PCDH9: variants seen among roughly 807,000 people sequenced by gnomAD.
PCDH9 encodes protocadherin 9, also known as protocadherin-9.
In PCDH9, 24 loss-of-function variants were observed where a neutral mutation model predicts 70.6. The observed-to-expected ratio is 0.34, with a 90% CI of 0.25 to 0.48. PCDH9 has a LOEUF of 0.48. Among genes scored for constraint, PCDH9 ranks in the 20% least tolerant of loss-of-function variants. The probability of loss-of-function intolerance (pLI) is 0.99; values close to 1 mark genes in which losing one functional copy is unlikely to be tolerated. For missense variants in PCDH9, 1,281 were observed against 1,503.6 expected (o/e 0.85, Z 2.45); for synonymous variants, 562 against 558.5 (o/e 1.01, Z -0.09).
rs1269835217 is a variant in PCDH9, at chr13:67,228,287, T to C, written c.154A>G (p.Ile52Val). ...GCGCTGGTCCCTGTGGCAGCATTGATGTGAGAAATGTTCAGATCCTTTGGT... is the reference window on the plus strand; with the variant it reads ...GCGCTGGTCCCTGTGGCAGCATTGACGTGAGAAATGTTCAGATCCTTTGGT... ...NIPKDLNISHINAATGTSASL... is the reference protein window; with the variant it reads ...NIPKDLNISHVNAATGTSASL... The change falls in exon 2 of 5, where the codon ATC becomes GTC. Residue 52 changes from isoleucine (I) to valine (V), a missense_variant. Physicochemically the swap from Ile to Val is conservative, Grantham distance 29 (BLOSUM62 3). This residue lies in a region of PCDH9 where 798 missense variants were observed against 1,003.1 expected (regional missense o/e 0.80). Transcript: ENST00000377865. 6.2e-7 allele frequency: 1 copy of C among 1,614,148 alleles called. No homozygotes were observed. Among genetic ancestry groups the C allele is most frequent in the Non-Finnish European group, 8.5e-7 (1 of 1,180,012 alleles).
At chr13:66,427,308 C>A (rs1204098594) in intron 4 of PCDH9, among the ~76,000 whole-genome samples, 2 of 151,622 alleles carry the variant, frequency 1.3e-5, no homozygotes, top group African/African-American at 4.8e-5. Flanking sequence ...TTCTTGACTG[C>A]ACATTCATTG....
intron 4 of PCDH9, among the ~76,000 whole-genome samples, chr13:66,322,670 G>GA (rs1955775980): frequency 6.6e-6 from 1 of 151,854 alleles, no homozygotes; most frequent in South Asian, 2.1e-4. Flanking sequence ...TTTTCAGATA[G>GA]AAAAATACTC....
chr13:66,930,074 T>G (rs1420461999), intron 2 of PCDH9, among the ~76,000 whole-genome samples: 1 of 152,292 alleles, frequency 6.6e-6, no homozygotes, highest in African/African-American at 2.4e-5. Flanking sequence ...GTGGTCTTTT[T>G]GTCTGAAAGA....
chr13:66,917,376 G>T (rs1453899511), intron 2 of PCDH9, among the ~76,000 whole-genome samples: 1 of 151,442 alleles, frequency 6.6e-6, no homozygotes, highest in African/African-American at 2.4e-5. Flanking sequence ...TGAGAAGCCT[G>T]AGCCAAATGA....
At chr13:66,700,936 A>G (rs200572618) in intron 3 of PCDH9, among the ~76,000 whole-genome samples, 2,295 of 97,776 alleles carry the variant, frequency 0.023, 147 homozygotes, top group East Asian at 0.11. Context: ...ATATATATAT[A>G]TATATATATA....
chr13:66,490,356 CTG>C (rs1185203782), intron 4 of PCDH9, among the ~76,000 whole-genome samples: 2 of 152,164 alleles, frequency 1.3e-5, no homozygotes, highest in Admixed American at 1.3e-4. Context: ...GACCTGAACA[CTG>C]TTATACCGGT....
intron 4 of PCDH9, among the ~76,000 whole-genome samples, chr13:66,562,728 G>T (rs995705807): frequency 5.3e-5 from 8 of 152,282 alleles, no homozygotes; most frequent in Admixed American, 1.3e-4. Context: ...TGGAGACACA[G>T]CCAAATGGTA....
rs188804447 is a variant in PCDH9, at chr13:66,766,859, A to G, written c.3139-135448T>C. ...TTCTTAATAATATTTCTCACAACTG[A>G]TATCAGCTACTGTAACATGGTGTTA... is the stretch of plus-strand genomic sequence containing the variant. On this transcript the variant is annotated intron_variant, in intron 3 of 4. Coordinates refer to ENST00000377865, the MANE Select transcript of PCDH9 (RefSeq NM_203487.3). Among the ~76,000 whole-genome samples the G allele has an allele frequency of 1.5e-3, 228 of 152,130 alleles. 2 individuals carry two copies. The highest frequency in any genetic ancestry group is 2.9e-3 in the Non-Finnish European group (197 of 68,022).
chr13:66,835,222 G>A (rs1456118095), intron 3 of PCDH9, among the ~76,000 whole-genome samples: 2 of 152,184 alleles, frequency 1.3e-5, no homozygotes, highest in African/African-American at 4.8e-5. Flanking sequence ...TTGCCTCTTG[G>A]AGCATATAAA....
intron 4 of PCDH9, among the ~76,000 whole-genome samples, chr13:66,413,220 C>A (rs1822686): frequency 0.85 from 130,048 of 152,132 alleles, 56,284 homozygotes; most frequent in South Asian, 0.95. Flanking sequence ...CTTGATTTTT[C>A]AATACTTAAG....
intron 4 of PCDH9, among the ~76,000 whole-genome samples, chr13:66,518,202 C>T (rs561237920): frequency 1.3e-5 from 2 of 152,008 alleles, no homozygotes; most frequent in Non-Finnish European, 2.9e-5. Context: ...AGGTGCCACA[C>T]ACTTTTAAAC....
intron 4 of PCDH9, among the ~76,000 whole-genome samples, chr13:66,569,061 G>A (rs61956024): frequency 0.34 from 49,093 of 144,518 alleles, 8,725 homozygotes; most frequent in African/African-American, 0.44. Flanking sequence ...GAGATCCGTG[G>A]CACGATCTCA....
chr13:66,319,388 G>A (rs1473154977), intron 4 of PCDH9, among the ~76,000 whole-genome samples: 5 of 150,842 alleles, frequency 3.3e-5, no homozygotes, highest in African/African-American at 1.2e-4. Flanking sequence ...AAGCGCAATG[G>A]CAGATGAATT....
At chr13:66,592,830 A>C (rs1937486899) in intron 4 of PCDH9, among the ~76,000 whole-genome samples, 1 of 151,800 alleles carries the variant, frequency 6.6e-6, no homozygotes, top group Admixed American at 6.6e-5. Flanking sequence ...TCAGGGGTTA[A>C]GATTACTTTA....
chr13:66,731,208 A>G (rs2079075500), intron 3 of PCDH9, among the ~76,000 whole-genome samples: 1 of 152,058 alleles, frequency 6.6e-6, no homozygotes, highest in African/African-American at 2.4e-5. Flanking sequence ...TTAGAGGTTT[A>G]GTTTATTTCC....
At position 66,612,278 on chromosome 13, in the gene PCDH9, A is replaced by T. The variant is rs144755634; in HGVS notation, c.3340+18932T>A. ...ATAATGCATCAAAAATTTTAATCAG[A>T]AACTCTATTTGCAACAACTAGTGAA... On this transcript the variant is annotated intron_variant, in intron 4 of 4. Coordinates refer to ENST00000377865, the MANE Select transcript of PCDH9 (RefSeq NM_203487.3). Among the ~76,000 whole-genome samples the T allele has an allele frequency of 1.8e-3, 278 of 152,332 alleles. 1 individual carries two copies. The highest frequency in any genetic ancestry group is 3.1e-3 in the Non-Finnish European group (209 of 68,022).
intron 4 of PCDH9, among the ~76,000 whole-genome samples, chr13:66,481,285 C>A (rs180967576): frequency 6.7e-6 from 1 of 149,172 alleles, no homozygotes; most frequent in African/African-American, 2.5e-5. Context: ...TACATGTACC[C>A]CAGAACTTAA....
chr13:66,397,639 T>C (rs951758490), intron 4 of PCDH9, among the ~76,000 whole-genome samples: 2 of 151,520 alleles, frequency 1.3e-5, no homozygotes, highest in African/African-American at 4.8e-5. Flanking sequence ...TGTATATATA[T>C]ACACAAAATA....
chr13:66,897,303 C>T (rs902877580), intron 3 of PCDH9, among the ~76,000 whole-genome samples: 20 of 151,982 alleles, frequency 1.3e-4, no homozygotes, highest in African/African-American at 4.1e-4. Context: ...ATATATGACT[C>T]ATAGACTGGT....
Sources: gnomAD v4.1 joint callset for allele counts (sites outside exome capture counted in the v4.1 genomes callset) on GRCh38, gnomAD v4.1.1 for gene constraint, gnomAD v4.1.1 regional missense constraint, MANE v1.5 for transcripts, NCBI Gene and HGNC (gene_info 2026-07-23, HGNC 2026-07-21) for gene names.